The following RNF20 variants were observed in gnomAD, a reference collection of about 807,000 sequenced individuals.
RNF20 encodes the protein ring finger protein 20.
RNF20 carries 84 observed loss-of-function variants against 126.2 expected under a neutral mutation model. The ratio of observed to expected loss-of-function variants is 0.67; its 90% confidence interval spans 0.56 to 0.80. The LOEUF (loss-of-function observed/expected upper bound fraction) is 0.80, where lower values mean the gene tolerates loss of function less well. RNF20 is among the 30% of genes least tolerant of loss of function. The pLI is 0.00. For missense variants in RNF20, 869 were observed against 1,188.2 expected (o/e 0.73, Z 3.95); for synonymous variants, 400 against 414.3 (o/e 0.97, Z 0.42).
chr9:101,559,639 AT>A (rs1206059556), intron 16 of RNF20, among the ~76,000 whole-genome samples: 1 of 151,826 alleles, frequency 6.6e-6, no homozygotes, highest in Non-Finnish European at 1.5e-5. Context: ...ATTCCTAAGT[AT>A]TTTATTTTAT....
At chr9:101,548,161 G>C (rs1416827000) in intron 9 of RNF20, among the ~76,000 whole-genome samples, 1 of 152,070 alleles carries the variant, frequency 6.6e-6, no homozygotes. Context: ...TTGTATGTGA[G>C]TGTGTGTGTG....
chr9:101,535,198 C>T (rs1414172418), intron 1 of RNF20, among the ~76,000 whole-genome samples, 200 bp from the exon 2 acceptor site: 2 of 151,740 alleles, frequency 1.3e-5, no homozygotes, highest in East Asian at 1.9e-4. Flanking sequence ...TGAGCCACCG[C>T]GCCCGGCCCG....
rs200446492 is a variant in RNF20, at chr9:101,552,305, C to T, written c.1530+43C>T. 3.8e-4 allele frequency: 615 copies of T among 1,612,882 alleles called. No individual in the cohort carries two copies. In the African/African-American group the frequency reaches 5.4e-3, roughly 14 times the overall value. On this transcript the variant is annotated intron_variant, in intron 12 of 19. Transcript: ENST00000389120. ...AATAAATATCATTTGCTATTAATGT[C>T]GTAAAGCTGCTTTTGAATGAGGTCG...
intron 6 of RNF20, 146 bp downstream of exon 6, chr9:101,545,031 C>A: frequency 6.2e-6 from 4 of 648,222 alleles, no homozygotes; most frequent in Non-Finnish European, 1.1e-5. Context: ...AACTCCAAAC[C>A]TCCAAATAAT....
At chr9:101,554,875 T>C in intron 15 of RNF20, 32 bp downstream of exon 15, 1 of 1,378,484 alleles carries the variant, frequency 7.3e-7, no homozygotes, top group Non-Finnish European at 9.5e-7. Context: ...AATTGACTTT[T>C]TGAGTAAATG....
chr9:101,537,432 A>G (rs1363624047), intron 2 of RNF20, among the ~76,000 whole-genome samples: 1 of 152,192 alleles, frequency 6.6e-6, no homozygotes, highest in Non-Finnish European at 1.5e-5. Flanking sequence ...GGTTTGGGAC[A>G]TATAAGTTTG....
In RNF20 at chr9:101,557,399, C is replaced by T; in HGVS notation, c.2185C>T (p.Leu729Phe). The change falls in exon 16 of 20, where the codon CTC becomes TTC. Residue 729 changes from leucine to phenylalanine, a missense_variant. Leu to Phe is a conservative substitution (Grantham distance 22, BLOSUM62 0). Around this residue, in one of 8 missense-constraint regions of RNF20, gnomAD observed 30 missense variants for 75.2 expected, o/e 0.40. Coordinates refer to ENST00000389120, the MANE Select transcript of RNF20 (RefSeq NM_019592.7). Reference sequence around the variant, plus strand: ...CATCCTTTAGGAAGAAGAAGCACTCCTCTCTGAAATGGATGTCACAGGCCA... The same window carrying T: ...CATCCTTTAGGAAGAAGAAGCACTCTTCTCTGAAATGGATGTCACAGGCCA... ...AMAKQEEEALLSEMDVTGQAF... is the reference protein window; with the variant it reads ...AMAKQEEEALFSEMDVTGQAF... 3 of 1,612,974 alleles carry T rather than the reference C, an allele frequency of 1.9e-6. No individual in the cohort carries two copies. Among genetic ancestry groups the T allele is most frequent in the Non-Finnish European group, 1.7e-6 (2 of 1,179,118 alleles).
chr9:101,549,386 CTT>C (rs1235913411), intron 9 of RNF20, among the ~76,000 whole-genome samples: 2 of 152,190 alleles, frequency 1.3e-5, no homozygotes, highest in Admixed American at 6.5e-5. Context: ...TAATTAGAGA[CTT>C]TTAATACTTT....
chr9:101,547,631 A>C (rs1827373717), intron 9 of RNF20, 113 bp downstream of exon 9: 1 of 1,204,894 alleles, frequency 8.3e-7, no homozygotes. Flanking sequence ...TGTAGACAAA[A>C]TCCAACATCC....
chr9:101,558,622 A>G (rs1489612481), intron 16 of RNF20, among the ~76,000 whole-genome samples: 3 of 152,214 alleles, frequency 2.0e-5, no homozygotes, highest in South Asian at 4.1e-4. Context: ...GTGGTGTTGC[A>G]TTGAGGTTTT....
Position 101,562,715 on chromosome 9 carries a change from C to T in RNF20, c.*293C>T, listed in dbSNP as rs751317124. On this transcript the variant is annotated 3_prime_UTR_variant, in exon 20 of 20. Coordinates refer to ENST00000389120, the MANE Select transcript of RNF20 (RefSeq NM_019592.7). ...TTAGACTTTTCAGTGTTTTCTTTTTCCAGCCCACTGTATAAACTTGGATTG... is the reference window on the plus strand; with the variant it reads ...TTAGACTTTTCAGTGTTTTCTTTTTTCAGCCCACTGTATAAACTTGGATTG... The T allele has an allele frequency of 2.0e-5, 5 of 252,264 alleles. No homozygotes were observed. Among genetic ancestry groups the T allele is most frequent in the African/African-American group, 4.4e-5 (2 of 45,100 alleles). The allele number at this position is 252,264 out of a possible 1,614,324, so 15.6% of individuals were successfully genotyped here.
chr9:101,546,599 T>TG (rs1354918085), intron 6 of RNF20, among the ~76,000 whole-genome samples: 1 of 152,190 alleles, frequency 6.6e-6, no homozygotes, highest in Admixed American at 6.5e-5. Flanking sequence ...TTTCTTTGTG[T>TG]GAGAGTTCTT....
Position 101,540,519 on chromosome 9 carries a change from A to G in RNF20, c.327A>G (p.Lys109=). The G allele has an allele frequency of 6.2e-7, 1 of 1,613,912 alleles. No homozygotes were observed. Among genetic ancestry groups the G allele is most frequent in the Non-Finnish European group, 8.5e-7 (1 of 1,179,984 alleles). The change falls in exon 4 of 20, where the codon AAA becomes AAG. Residue 109 remains lysine, a synonymous_variant. Coordinates refer to ENST00000389120, the MANE Select transcript of RNF20 (RefSeq NM_019592.7). ...QFDENIRIIL[K]RYDLEQGLGD... ...ATGAAAACATCCGTATCATCCTTAA[A>G]CGTTATGATCTGGAGCAGGGCTTGG... is the stretch of plus-strand genomic sequence containing the variant.
intron 2 of RNF20, among the ~76,000 whole-genome samples, chr9:101,536,414 G>A (rs989805927): frequency 2.4e-4 from 36 of 151,948 alleles, no homozygotes; most frequent in Non-Finnish European, 8.8e-5. Flanking sequence ...TGAGGCTGAG[G>A]TTTATTTTAG....
Position 101,546,897 on chromosome 9 carries a change from G to A in RNF20, c.825G>A (p.Gln275=). The A allele has an allele frequency of 6.2e-7, 1 of 1,614,172 alleles. No individual in the cohort carries two copies. Among genetic ancestry groups the A allele is most frequent in the Non-Finnish European group, 8.5e-7 (1 of 1,180,004 alleles). ...TGGAGTCCATGATTGATGACCTGCA[G>A]TGGGATATTGACAAAATTCGAAAGA... The part of the protein sequence containing the change: ...SVLESMIDDL[Q]WDIDKIRKRE... The change falls in exon 7 of 20, where the codon CAG becomes CAA. Residue 275 remains glutamine, a synonymous_variant. Transcript: ENST00000389120.
intron 3 of RNF20, 36 bp from the exon 4 acceptor site, chr9:101,540,454 C>G (rs529316198): frequency 6.2e-7 from 1 of 1,611,148 alleles, no homozygotes; most frequent in African/African-American, 1.3e-5. Flanking sequence ...AAGTTGTGTC[C>G]TTTGTTTCTT....
chr9:101,548,970 C>T (rs756017056), intron 9 of RNF20, among the ~76,000 whole-genome samples: 8 of 152,192 alleles, frequency 5.3e-5, no homozygotes, highest in East Asian at 3.9e-4. Flanking sequence ...GAAAGAAACA[C>T]GATTGGTGAT....
At chr9:101,541,022 A>G (rs1191279990) in intron 5 of RNF20, 47 bp downstream of exon 5, 1 of 1,470,420 alleles carries the variant, frequency 6.8e-7, no homozygotes, top group South Asian at 1.3e-5. Flanking sequence ...AGGAATAAGA[A>G]TTCATTTTTG....
chr9:101,536,019 A>G (rs6479054), intron 2 of RNF20, among the ~76,000 whole-genome samples: 2,236 of 152,296 alleles, frequency 0.015, 46 homozygotes, highest in African/African-American at 0.05. Flanking sequence ...TGTCTGTAAA[A>G]TGTAATTAGA....
Sources: allele counts gnomAD v4.1 joint callset (sites outside exome capture counted in the v4.1 genomes callset), GRCh38; gene constraint gnomAD v4.1.1; regional missense constraint gnomAD v4.1.1; transcripts MANE v1.5; gene names NCBI Gene and HGNC (gene_info 2026-07-23, HGNC 2026-07-21).